The following MXD4 variants were observed in gnomAD, a reference collection of about 807,000 sequenced individuals.
MXD4 encodes the protein MAX dimerization protein 4, also known as Mad4 homolog.
In MXD4, 16 loss-of-function variants were observed where a neutral mutation model predicts 24.5. That is an observed-to-expected ratio of 0.65 (90% confidence interval 0.44 to 0.99). The LOEUF (loss-of-function observed/expected upper bound fraction) is 0.99, where lower values mean the gene tolerates loss of function less well. Among genes scored for constraint, MXD4 ranks in the 50% least tolerant of loss-of-function variants. MXD4 has a pLI of 0.00. For missense variants in MXD4, 301 were observed against 301.5 expected, an observed-to-expected ratio of 1.00 and a Z score of 0.01; for synonymous variants, 164 against 134.2, an observed-to-expected ratio of 1.22 and a Z score of -1.54.
At chr4:2,257,533 T>G (rs1735455284) in intron 3 of MXD4, among the ~76,000 whole-genome samples, 1 of 152,242 alleles carries the variant, frequency 6.6e-6, no homozygotes, top group Non-Finnish European at 1.5e-5. Flanking sequence ...GCCTGAATCC[T>G]GCCCTAGGCT....
At chr4:2,255,301 T>C (rs1184907337) in intron 3 of MXD4, 1 of 455,772 alleles carries the variant, frequency 2.2e-6, no homozygotes, top group South Asian at 1.5e-5. Flanking sequence ...GTCTCTGGGG[T>C]GGGGTGCAGG....
chr4:2,261,779 A>G lies in MXD4; in HGVS notation c.110T>C (p.Phe37Ser). ...GGCCGCCTTTGTTTTCTCCCTGGCG[A>G]AGTCGCCGTCGAAGGGCAGCACCGA... is the stretch of plus-strand genomic sequence containing the variant. ...YASVLPFDGD[F>S]AREKTKAAGL... is the part of the protein sequence containing the mutation. The change falls in exon 2 of 6, where the codon TTC (phenylalanine) becomes TCC (serine). Residue 37 changes from phenylalanine to serine, a missense_variant. Physicochemically the swap from Phe to Ser is radical, Grantham distance 155. Coordinates refer to ENST00000337190, the MANE Select transcript of MXD4 (RefSeq NM_006454.3). 7.0e-7 allele frequency: 1 copy of G among 1,430,358 alleles called. No homozygotes were observed. The highest frequency in any genetic ancestry group is 1.5e-5 in the African/African-American group (1 of 66,908). 88.6% of individuals were successfully genotyped at this position (1,430,358 alleles called of 1,614,324 possible).
chr4:2,260,696 C>T, intron 2 of MXD4: 1 of 416,476 alleles, frequency 2.4e-6, no homozygotes, highest in Non-Finnish European at 4.9e-6. Flanking sequence ...CAATTCCTCG[C>T]CTGGCTCAGG....
intron 2 of MXD4, chr4:2,259,014 G>C (rs1203468644): frequency 1.5e-5 from 7 of 454,190 alleles, no homozygotes; most frequent in Non-Finnish European, 2.7e-5. Flanking sequence ...GTCCAGGCAG[G>C]ACCCCACAGG....
rs1735262266 is a variant in MXD4, at chr4:2,249,280, T to C, written c.*1264A>G. ...AGACACAAGGCACACTTTGACGACG[T>C]GACGGAGGGACAGGTCCCTGAGACG... On this transcript the variant is annotated 3_prime_UTR_variant, in exon 6 of 6. Transcript: ENST00000337190. 1 of 152,654 alleles carries C rather than the reference T, an allele frequency of 6.6e-6. No individual in the cohort carries two copies. Among genetic ancestry groups the C allele is most frequent in the African/African-American group, 2.4e-5 (1 of 41,440 alleles). The allele number at this position is 152,654 out of a possible 1,614,324, so 9.5% of individuals were successfully genotyped here. A position where few individuals can be genotyped will look rare whatever the true frequency, so the allele number is the denominator to read the frequency against.
At chr4:2,255,254 G>A (rs1401833051) in intron 3 of MXD4, 4 of 454,006 alleles carry the variant, frequency 8.8e-6, no homozygotes, top group Middle Eastern at 6.5e-4. Flanking sequence ...GGGGAGCAGT[G>A]GAGGATGTGG....
At chr4:2,256,414 C>A (rs1735431870) in intron 3 of MXD4, among the ~76,000 whole-genome samples, 2 of 152,222 alleles carry the variant, frequency 1.3e-5, no homozygotes, top group South Asian at 4.1e-4. Flanking sequence ...AAGCGATGTC[C>A]AGGGCCTGCC....
chr4:2,260,966 G>C (rs1170717686), intron 2 of MXD4, among the ~76,000 whole-genome samples: 1 of 152,220 alleles, frequency 6.6e-6, no homozygotes, highest in Non-Finnish European at 1.5e-5. Context: ...ACGCACCCCA[G>C]CTTCAGGGCT....
At chr4:2,255,165 T>C in intron 3 of MXD4, 1 of 388,756 alleles carries the variant, frequency 2.6e-6, no homozygotes, top group Non-Finnish European at 5.2e-6. Flanking sequence ...GTACGTGGTG[T>C]CGGGTGAAAG....
Position 2,248,060 on chromosome 4 carries a change from T to C in MXD4, c.*2484A>G, listed in dbSNP as rs1025972600. ...CTGTTCTGCTTCTGTCTGCTCTCTA[T>C]AGACACGGTGATGGCCTCTTGGTCC... On this transcript the variant is annotated 3_prime_UTR_variant, in exon 6 of 6. Transcript: ENST00000337190. The C allele has an allele frequency of 2.0e-5, 3 of 152,400 alleles. No homozygotes were observed. Among genetic ancestry groups the C allele is most frequent in the African/African-American group, 7.2e-5 (3 of 41,464 alleles). The allele number at this position is 152,400 out of a possible 1,614,324, so 9.4% of individuals were successfully genotyped here.
At position 2,255,166 on chromosome 4, in the gene MXD4, C is replaced by T. The variant is rs143040223; in HGVS notation, c.195-2644G>A. On this transcript the variant is annotated intron_variant, in intron 3 of 5. Transcript: ENST00000337190. ...CGGACAGGACTTACGTACGTGGTGT[C>T]GGGTGAAAGATCAAGTGAGGAAATG... is the stretch of plus-strand genomic sequence containing the variant. The T allele has an allele frequency of 5.4e-5, 21 of 388,844 alleles. No individual in the cohort carries two copies. In the East Asian group the frequency reaches 8.7e-4, roughly 16 times the overall value. The allele number at this position is 388,844 out of a possible 1,614,324, so 24.1% of individuals were successfully genotyped here.
At chr4:2,257,883 G>T in intron 3 of MXD4, 99 bp downstream of exon 3, 1 of 1,494,970 alleles carries the variant, frequency 6.7e-7, no homozygotes. Context: ...AGCACGGCTG[G>T]CCGTGCCCGG....
intron 2 of MXD4, 29 bp from the exon 3 acceptor site, chr4:2,258,040 C>T (rs771407992): frequency 6.2e-7 from 1 of 1,613,220 alleles, no homozygotes; most frequent in South Asian, 1.1e-5. Context: ...AGACAGAGCT[C>T]ACTCTTCTGC....
chr4:2,255,616 C>T (rs776135004), intron 3 of MXD4, among the ~76,000 whole-genome samples: 12 of 152,294 alleles, frequency 7.9e-5, no homozygotes, highest in South Asian at 2.1e-4. Context: ...CTCCTGAAGC[C>T]GCTGCAGTGC....
intron 3 of MXD4, chr4:2,255,250 C>T (rs1218706359): frequency 2.2e-6 from 1 of 452,318 alleles, no homozygotes; most frequent in Admixed American, 2.4e-5. Flanking sequence ...CCGCGGGGAG[C>T]AGTGGAGGAT....
chr4:2,251,335 C>T (rs746082581), intron 4 of MXD4, 89 bp from the exon 5 acceptor site: 86 of 1,408,136 alleles, frequency 6.1e-5, no homozygotes, highest in Non-Finnish European at 7.7e-5. Flanking sequence ...GGCCTGGGCC[C>T]GGGAGGTTCC....
intron 5 of MXD4, 92 bp downstream of exon 5, chr4:2,250,991 GC>G: frequency 7.1e-7 from 1 of 1,409,984 alleles, no homozygotes; most frequent in Non-Finnish European, 9.4e-7. Flanking sequence ...GTTCTCCCCA[GC>G]CCCAGCACCA....
chr4:2,262,025 C>CCCGGCCCGCT lies in MXD4; in HGVS notation c.-55_-46dup. On this transcript the variant is annotated 5_prime_UTR_variant, in exon 1 of 6. Transcript: ENST00000337190. ...CGCCCCGGGACGGCGGCGGCCGCTG[C>CCCGGCCCGCT]CCGGCCCGCTCCGGCCGGCTCCGCT... The CCCGGCCCGCT allele has an allele frequency of 9.2e-7, 1 of 1,090,758 alleles. No homozygotes were observed. Among genetic ancestry groups the CCCGGCCCGCT allele is most frequent in the East Asian group, 5.3e-5 (1 of 18,872 alleles). 67.6% of individuals were successfully genotyped at this position (1,090,758 alleles called of 1,614,324 possible). A position where few individuals can be genotyped will look rare whatever the true frequency, so the allele number is the denominator to read the frequency against.
intron 2 of MXD4, among the ~76,000 whole-genome samples, 182 bp downstream of exon 2, chr4:2,261,543 G>T (rs1423090863): frequency 6.7e-6 from 1 of 148,314 alleles, no homozygotes; most frequent in East Asian, 2.0e-4. Flanking sequence ...GACGGCGAGG[G>T]CGGGGCCGGC....
Sources: allele counts gnomAD v4.1 joint callset (sites outside exome capture counted in the v4.1 genomes callset), GRCh38; gene constraint gnomAD v4.1.1; transcripts MANE v1.5; gene names NCBI Gene and HGNC (gene_info 2026-07-23, HGNC 2026-07-21).